LRPAP1: variants seen among roughly 807,000 people sequenced by gnomAD.
The protein encoded by LRPAP1 is alpha-2-macroglobulin receptor-associated protein.
Under a neutral mutation model 39.9 loss-of-function variants are expected in LRPAP1, and 41 were observed. The ratio of observed to expected loss-of-function variants is 1.03; its 90% confidence interval spans 0.80 to 1.33. The LOEUF is 1.33. Among genes scored for constraint, LRPAP1 ranks in the 40% most tolerant of loss-of-function variants. LRPAP1 has a pLI of 0.00. For missense variants in LRPAP1, 565 were observed against 482.3 expected, an observed-to-expected ratio of 1.17 and a Z score of -1.61; for synonymous variants, 263 against 212.7, an observed-to-expected ratio of 1.24 and a Z score of -2.06.
chr4:3,527,662 AG>A (rs1181174119), intron 1 of LRPAP1, among the ~76,000 whole-genome samples: 2 of 152,184 alleles, frequency 1.3e-5, no homozygotes, highest in Non-Finnish European at 2.9e-5. Context: ...GCTGGCCTTG[AG>A]GGGCCCCGGG....
chr4:3,532,265 A>G lies in LRPAP1; in HGVS notation c.148T>C (p.Ser50Pro). ...TTCTCCATGCGGAACTCCTCTCCGG[A>G]CTCGCGTTTCGGGGACGGCTTGGGC... Reference protein sequence around the residue: ...NQPKPSPKRESGEEFRMEKLN... With the variant: ...NQPKPSPKREPGEEFRMEKLN... The change falls in exon 1 of 8, where the codon TCC becomes CCC. Residue 50 changes from serine (S) to proline (P), a missense_variant. By Grantham distance (74) the Ser-to-Pro change is moderately conservative. Coordinates refer to ENST00000650182, the MANE Select transcript of LRPAP1 (RefSeq NM_002337.4). The G allele has an allele frequency of 1.3e-6, 2 of 1,554,738 alleles. No individual in the cohort carries two copies. The highest frequency in any genetic ancestry group is 1.7e-6 in the Non-Finnish European group (2 of 1,148,724).
At chr4:3,513,774 T>C (rs1729608695) in intron 7 of LRPAP1, among the ~76,000 whole-genome samples, 1 of 152,222 alleles carries the variant, frequency 6.6e-6, no homozygotes, top group Non-Finnish European at 1.5e-5. Context: ...CAGCAGGTGC[T>C]GCGTCAGCCC....
rs967887536 is a variant in LRPAP1, at chr4:3,511,158, G to T, written c.*1816C>A. ...CACCCAGCTGGGAGAAAGAAACACA[G>T]TCCAACCACTTTGGAATCATCTCTA... On this transcript the variant is annotated 3_prime_UTR_variant, in exon 8 of 8. Transcript: ENST00000650182. The T allele has an allele frequency of 6.6e-6, 1 of 152,202 alleles. No individual in the cohort carries two copies. The highest frequency in any genetic ancestry group is 2.4e-5 in the African/African-American group (1 of 41,432). The allele number at this position is 152,202 out of a possible 1,614,324, so 9.4% of individuals were successfully genotyped here. A position where few individuals can be genotyped will look rare whatever the true frequency, so the allele number is the denominator to read the frequency against.
chr4:3,514,759 C>CAGGGCGTGCTTGGT lies in LRPAP1; in HGVS notation c.1003_1004insACCAAGCACGCCCT (p.Gly335AspfsTer9). On this transcript the variant is annotated frameshift_variant, in exon 7 of 8. Transcript: ENST00000650182. LOFTEE classifies it high-confidence loss of function. ...CCTGGAACCCGTGCGCACCGTGTAG[C>CAGGGCGTGCTTGGT]CCAGCTCCTTGGTCCGCCCCTCCAG... 6.2e-7 allele frequency: 1 copy of CAGGGCGTGCTTGGT among 1,608,302 alleles called. No individual in the cohort carries two copies. Among genetic ancestry groups the CAGGGCGTGCTTGGT allele is most frequent in the Non-Finnish European group, 8.5e-7 (1 of 1,178,778 alleles).
chr4:3,512,900 C>T lies in LRPAP1; in HGVS notation c.*74G>A, dbSNP rs774163008. On this transcript the variant is annotated 3_prime_UTR_variant, in exon 8 of 8. Coordinates refer to ENST00000650182, the MANE Select transcript of LRPAP1 (RefSeq NM_002337.4). ...AGCCACCCTGACGGCGGGCTGTCCA[C>T]GGAAATGCCACGGCCAAGAGCCCAG... 2.8e-5 allele frequency: 39 copies of T among 1,418,008 alleles called. No individual in the cohort carries two copies. The highest frequency in any genetic ancestry group is 9.9e-5 in the East Asian group (4 of 40,374). 87.8% of individuals were successfully genotyped at this position (1,418,008 alleles called of 1,614,324 possible). A position where few individuals can be genotyped will look rare whatever the true frequency, so the allele number is the denominator to read the frequency against.
In LRPAP1 at chr4:3,511,507, C is replaced by T. The variant is rs1729512285; in HGVS notation, c.*1467G>A. The T allele has an allele frequency of 6.6e-6, 1 of 152,258 alleles. No homozygotes were observed. The highest frequency in any genetic ancestry group is 6.5e-5 in the Admixed American group (1 of 15,276). The allele number at this position is 152,258 out of a possible 1,614,324, so 9.4% of individuals were successfully genotyped here. ...AATCCACCCCCCGCCCCACCAGCCA[C>T]ACACACACAAGTCCACAAAGGAACA... On this transcript the variant is annotated 3_prime_UTR_variant, in exon 8 of 8. Coordinates refer to ENST00000650182, the MANE Select transcript of LRPAP1 (RefSeq NM_002337.4).
At chr4:3,520,250 C>A in intron 2 of LRPAP1, 57 bp from the exon 3 acceptor site, 1 of 1,584,178 alleles carries the variant, frequency 6.3e-7, no homozygotes, top group Non-Finnish European at 8.6e-7. Flanking sequence ...CAGTCAAAAG[C>A]CAACACATCT....
At chr4:3,522,350 C>T (rs1194193026) in intron 2 of LRPAP1, among the ~76,000 whole-genome samples, 4 of 152,266 alleles carry the variant, frequency 2.6e-5, no homozygotes, top group Admixed American at 6.5e-5. Context: ...AGAGTACCCA[C>T]GGCTGCGATC....
rs905995313 is a variant in LRPAP1, at chr4:3,505,713, C to A, written c.*7261G>T. Among the ~76,000 whole-genome samples, 1 of 152,178 alleles carries A rather than the reference C, an allele frequency of 6.6e-6. No individual in the cohort carries two copies. The highest frequency in any genetic ancestry group is 1.5e-5 in the Non-Finnish European group (1 of 68,036). ...CCAGCTACCCCAAGACCGTCTATAC[C>A]AGCTACGCCAAGACCGTCTATACCA... On this transcript the variant is annotated 3_prime_UTR_variant, in exon 8 of 8. Coordinates refer to ENST00000650182, the MANE Select transcript of LRPAP1 (RefSeq NM_002337.4).
At chr4:3,515,787 G>C (rs909376577) in intron 6 of LRPAP1, 2 of 383,516 alleles carry the variant, frequency 5.2e-6, no homozygotes, top group Non-Finnish European at 9.6e-6. Flanking sequence ...GATCCCGGTA[G>C]TGTCCTTGGT....
Position 3,512,158 on chromosome 4 carries a change from G to A in LRPAP1, c.*816C>T, listed in dbSNP as rs577923452. 6.6e-6 allele frequency: 1 copy of A among 152,558 alleles called. No individual in the cohort carries two copies. The highest frequency in any genetic ancestry group is 2.1e-4 in the South Asian group (1 of 4,854). The allele number at this position is 152,558 out of a possible 1,614,324, so 9.5% of individuals were successfully genotyped here. On this transcript the variant is annotated 3_prime_UTR_variant, in exon 8 of 8. Transcript: ENST00000650182. Reference sequence around the variant, plus strand: ...GCTCAGACACAGGAACATTCTCGGAGCCGGACCTGAGCAACCGCCAGTCCA... The same window carrying A: ...GCTCAGACACAGGAACATTCTCGGAACCGGACCTGAGCAACCGCCAGTCCA...
rs1324501623 is a variant in LRPAP1 at position 3,507,592 on chromosome 4, G to A, written c.*5382C>T. The A allele has an allele frequency of 5.4e-5, 8 of 148,856 alleles. No individual in the cohort carries two copies. Among genetic ancestry groups the A allele is most frequent in the South Asian group, 2.1e-4 (1 of 4,786 alleles). The allele number at this position is 148,856 out of a possible 1,614,324, so 9.2% of individuals were successfully genotyped here. On this transcript the variant is annotated 3_prime_UTR_variant, in exon 8 of 8. Transcript: ENST00000650182. ...ATGTTTTCTCTAATGGGCATAAGTA[G>A]ACCAAGTTTTTAACTGTATTATCCC...
At chr4:3,517,156 G>C (rs1577205433) in intron 5 of LRPAP1, among the ~76,000 whole-genome samples, 1 of 152,334 alleles carries the variant, frequency 6.6e-6, no homozygotes, top group African/African-American at 2.4e-5. Flanking sequence ...AGGGAGCCTG[G>C]GTTTGGGGGT....
chr4:3,521,238 G>A (rs1227762821), intron 2 of LRPAP1, among the ~76,000 whole-genome samples: 1 of 152,218 alleles, frequency 6.6e-6, no homozygotes, highest in Non-Finnish European at 1.5e-5. Context: ...ATGGGGTCCT[G>A]CCTTCCCCTC....
rs1242884675 is a variant in LRPAP1, at chr4:3,508,678, A to C, written c.*4296T>G. The C allele has an allele frequency of 6.6e-6, 1 of 152,168 alleles. No homozygotes were observed. The highest frequency in any genetic ancestry group is 2.4e-5 in the African/African-American group (1 of 41,428). 9.4% of individuals were successfully genotyped at this position (152,168 alleles called of 1,614,324 possible). A position where few individuals can be genotyped will look rare whatever the true frequency, so the allele number is the denominator to read the frequency against. On this transcript the variant is annotated 3_prime_UTR_variant, in exon 8 of 8. Transcript: ENST00000650182. ...GAAAGTCAGCGTAATTCACTACAGT[A>C]ATGCGGTAAGGAAGTGACCTCATGA...
At chr4:3,526,692 AC>A (rs761830036) in intron 1 of LRPAP1, among the ~76,000 whole-genome samples, 1 of 151,950 alleles carries the variant, frequency 6.6e-6, no homozygotes, top group Non-Finnish European at 1.5e-5. Flanking sequence ...TGTTTGGCAC[AC>A]CCCACACTCC....
chr4:3,517,894 G>T, intron 5 of LRPAP1, 140 bp downstream of exon 5: 1 of 1,083,574 alleles, frequency 9.2e-7, no homozygotes, highest in Non-Finnish European at 1.3e-6. Flanking sequence ...CCACCCGTGG[G>T]TAGACTGAGC....
rs1486292320 is a variant in LRPAP1 at position 3,506,834 on chromosome 4, T to C, written c.*6140A>G. On this transcript the variant is annotated 3_prime_UTR_variant, in exon 8 of 8. Transcript: ENST00000650182. ...ACCTTTGCTTTCCAAAAGATAACCA[T>C]TAAGAAAGTAAAATAGCAAGCCAGA... The C allele has an allele frequency of 1.3e-5, 2 of 152,124 alleles. No individual in the cohort carries two copies. Among genetic ancestry groups the C allele is most frequent in the Non-Finnish European group, 2.9e-5 (2 of 68,016 alleles). The allele number at this position is 152,124 out of a possible 1,614,324, so 9.4% of individuals were successfully genotyped here.
rs902722003 is a variant in LRPAP1 at position 3,508,783 on chromosome 4, C to T, written c.*4191G>A. 1 of 152,188 alleles carries T rather than the reference C, an allele frequency of 6.6e-6. No homozygotes were observed. Among genetic ancestry groups the T allele is most frequent in the Admixed American group, 6.5e-5 (1 of 15,282 alleles). 9.4% of individuals were successfully genotyped at this position (152,188 alleles called of 1,614,324 possible). ...AAAGCCCTCAGCAAATGAGGAAGCT[C>T]TTCTGCCTGTAAGTGCACCAGTGCA... is the stretch of plus-strand genomic sequence containing the variant. On this transcript the variant is annotated 3_prime_UTR_variant, in exon 8 of 8. Coordinates refer to ENST00000650182, the MANE Select transcript of LRPAP1 (RefSeq NM_002337.4).
Sources: gnomAD v4.1 joint callset for allele counts (sites outside exome capture counted in the v4.1 genomes callset) on GRCh38, gnomAD v4.1.1 for gene constraint, MANE v1.5 for transcripts, NCBI Gene and HGNC (gene_info 2026-07-23, HGNC 2026-07-21) for gene names.